The following RMDN2 variants were observed in gnomAD, a reference collection of about 807,000 sequenced individuals.
RMDN2 encodes regulator of microtubule dynamics protein 2.
In RMDN2, 61 loss-of-function variants were observed where a neutral mutation model predicts 52.8. The observed-to-expected ratio is 1.16, with a 90% CI of 0.94 to 1.43. The LOEUF (loss-of-function observed/expected upper bound fraction) is 1.43, where lower values mean the gene tolerates loss of function less well. Among genes scored for constraint, RMDN2 ranks in the 40% most tolerant of loss-of-function variants. The pLI is 0.00. For synonymous variants in RMDN2, 180 were observed against 153.1 expected (o/e 1.18, Z -1.30); for missense variants, 592 against 475.3 (o/e 1.25, Z -2.28).
rs375536939 is a variant in RMDN2 at position 37,964,072 on chromosome 2, G to C, written c.453-9968G>C. ...TCCCTCCCGGACGTGGCGGCTGCCG[G>C]GCGGAGGCGCTCCTCACTTCCCAGA... On this transcript the variant is annotated intron_variant, in intron 2 of 10. Transcript: ENST00000354545. 9.1e-4 allele frequency among the ~76,000 whole-genome samples: 138 copies of C among 152,032 alleles called. 2 individuals carry two copies. The East Asian group carries it at 0.023, about 25-fold the overall frequency.
At position 37,996,131 on chromosome 2, in the gene RMDN2, A is replaced by G. The variant is rs554274303; in HGVS notation, c.946-1285A>G. Among the ~76,000 whole-genome samples, 4 of 152,318 alleles carry G rather than the reference A, an allele frequency of 2.6e-5. No individual in the cohort carries two copies. In the East Asian group the frequency reaches 7.7e-4, roughly 29 times the overall value. On this transcript the variant is annotated intron_variant, in intron 7 of 10. Transcript: ENST00000354545. Reference sequence around the variant, plus strand: ...AAATGACTGAACTTCAGTCATACTCATTATCCTGGATGAAATCTTAGAATC... The same window carrying G: ...AAATGACTGAACTTCAGTCATACTCGTTATCCTGGATGAAATCTTAGAATC...
intron 2 of RMDN2, among the ~76,000 whole-genome samples, chr2:37,964,791 T>C (rs1670812495): frequency 6.6e-6 from 1 of 152,228 alleles, no homozygotes; most frequent in Non-Finnish European, 1.5e-5. Flanking sequence ...GGTCATTGAA[T>C]TCGTTTACTA....
intron 2 of RMDN2, among the ~76,000 whole-genome samples, chr2:37,939,089 C>T (rs919007768): frequency 4.6e-5 from 7 of 152,100 alleles, no homozygotes; most frequent in East Asian, 1.9e-4. Flanking sequence ...GATTCTGGTA[C>T]GTTGCATTTT....
At chr2:37,943,339 G>A (rs1216575001) in intron 2 of RMDN2, among the ~76,000 whole-genome samples, 1 of 152,200 alleles carries the variant, frequency 6.6e-6, no homozygotes. Flanking sequence ...AGGTGTCACA[G>A]AAACCAAGAG....
chr2:37,948,336 A>G (rs1223475880), intron 2 of RMDN2, among the ~76,000 whole-genome samples: 1 of 152,142 alleles, frequency 6.6e-6, no homozygotes, highest in African/African-American at 2.4e-5. Flanking sequence ...TGTTGTAATG[A>G]GTGGTAATTA....
chr2:37,981,465 A>G (rs1384694549), intron 5 of RMDN2, 122 bp downstream of exon 5: 3 of 658,180 alleles, frequency 4.6e-6, no homozygotes, highest in Non-Finnish European at 8.2e-6. Context: ...ACTGAAAAAT[A>G]TGTATAATAG....
chr2:37,932,035 A>G (rs913378484), intron 2 of RMDN2, among the ~76,000 whole-genome samples: 11 of 152,148 alleles, frequency 7.2e-5, no homozygotes, highest in Non-Finnish European at 1.5e-4. Context: ...AAGGAATAAG[A>G]TACAAAAAAT....
chr2:38,015,523 C>T (rs1678640111), intron 10 of RMDN2, among the ~76,000 whole-genome samples: 1 of 151,056 alleles, frequency 6.6e-6, no homozygotes, highest in South Asian at 2.1e-4. Context: ...GGAGATTGCG[C>T]CACTGCACTC....
chr2:38,007,762 T>C (rs1291569191), intron 10 of RMDN2, among the ~76,000 whole-genome samples: 1 of 152,200 alleles, frequency 6.6e-6, no homozygotes, highest in African/African-American at 2.4e-5. Flanking sequence ...TGAATGTGTT[T>C]ACTCTTGCTT....
At chr2:37,970,470 A>C (rs888191602) in intron 2 of RMDN2, among the ~76,000 whole-genome samples, 4 of 152,114 alleles carry the variant, frequency 2.6e-5, no homozygotes, top group Admixed American at 2.0e-4. Context: ...ATTTATGTTT[A>C]TGTGTAAGAT....
chr2:38,046,723 G>A (rs1474684053), intron 10 of RMDN2, among the ~76,000 whole-genome samples: 3 of 152,098 alleles, frequency 2.0e-5, no homozygotes, highest in East Asian at 1.9e-4. Flanking sequence ...GGTGGCTCAC[G>A]CCTATAATCC....
chr2:37,974,074 A>C lies in RMDN2; in HGVS notation c.487A>C (p.Ser163Arg). The change falls in exon 3 of 11, where the codon AGT becomes CGT. Residue 163 changes from serine to arginine, a missense_variant. By Grantham distance (110) the Ser-to-Arg change is moderately radical. Coordinates refer to ENST00000354545, the MANE Select transcript of RMDN2 (RefSeq NM_001170791.3). Reference sequence around the variant, plus strand: ...AGCTAATACTGACACAGAAGAACAGAGTTTTCCAGTCCCTAAGGCATTTAA... The same window carrying C: ...AGCTAATACTGACACAGAAGAACAGCGTTTTCCAGTCCCTAAGGCATTTAA... The part of the protein sequence containing the change: ...ITANTDTEEQ[S>R]FPVPKAFNTR... 1 of 1,611,810 alleles carries C rather than the reference A, an allele frequency of 6.2e-7. No homozygotes were observed. Among genetic ancestry groups the C allele is most frequent in the Non-Finnish European group, 8.5e-7 (1 of 1,178,982 alleles).
chr2:38,010,514 A>C (rs994014434), intron 10 of RMDN2, among the ~76,000 whole-genome samples: 1 of 152,206 alleles, frequency 6.6e-6, no homozygotes, highest in African/African-American at 2.4e-5. Context: ...CCGAGCCAGG[A>C]GAGGGATATA....
At chr2:38,060,109 TTTTA>T in intron 10 of RMDN2, among the ~76,000 whole-genome samples, 1 of 137,974 alleles carries the variant, frequency 7.2e-6, no homozygotes, top group Admixed American at 7.0e-5. Context: ...TTTTATTTTA[TTTTA>T]TTTTATTTTT....
chr2:38,022,536 G>A (rs1679469758), downstream of RMDN2, among the ~76,000 whole-genome samples: 1 of 152,186 alleles, frequency 6.6e-6, no homozygotes, highest in South Asian at 2.1e-4. Context: ...TTGGAAAGCG[G>A]GAGTTCTGAC....
intron 5 of RMDN2, among the ~76,000 whole-genome samples, chr2:37,983,226 C>A (rs1419101586): frequency 6.6e-6 from 1 of 152,148 alleles, no homozygotes; most frequent in Non-Finnish European, 1.5e-5. Context: ...GGTTATTTAT[C>A]AGTGTGGGTT....
intron 10 of RMDN2, among the ~76,000 whole-genome samples, chr2:38,007,431 T>TGG (rs1558543326): frequency 1.3e-5 from 2 of 152,232 alleles, no homozygotes; most frequent in African/African-American, 4.8e-5. Context: ...GGTTTAGTCT[T>TGG]GGGAGGGTGT....
At chr2:38,030,346 A>G (rs1680100428) in intron 10 of RMDN2, 1 of 152,208 alleles carries the variant, frequency 6.6e-6, no homozygotes, top group Admixed American at 6.5e-5. Flanking sequence ...TCTTGAAATT[A>G]TAATTCTTAT....
intron 4 of RMDN2, among the ~76,000 whole-genome samples, chr2:37,978,885 G>C (rs567909768): frequency 3.3e-5 from 5 of 152,276 alleles, no homozygotes; most frequent in African/African-American, 1.2e-4. Context: ...GGTTGATGCA[G>C]GGAAGTCTTT....
Sources: allele counts gnomAD v4.1 joint callset (sites outside exome capture counted in the v4.1 genomes callset), GRCh38; gene constraint gnomAD v4.1.1; transcripts MANE v1.5; gene names NCBI Gene and HGNC (gene_info 2026-07-23, HGNC 2026-07-21).